Variants in ADK observed in about 807,000 individuals in gnomAD.
The protein encoded by ADK is adenosine kinase, also known as N6,N6-dimethyladenosine kinase.
In ADK, 24 loss-of-function variants were observed where a neutral mutation model predicts 44.7. That is an observed-to-expected ratio of 0.54 (90% CI 0.39 to 0.76). The LOEUF (loss-of-function observed/expected upper bound fraction) is 0.76. ADK is among the 30% of genes least tolerant of loss of function. The pLI, the probability that ADK is intolerant of heterozygous loss-of-function variation, is 0.00. For missense variants in ADK, 321 were observed against 425.1 expected (o/e 0.76, Z 2.15); for synonymous variants, 128 against 142.6 (o/e 0.90, Z 0.73).
At chr10:74,403,398 C>T (rs1843785605) in intron 6 of ADK, among the ~76,000 whole-genome samples, 1 of 152,226 alleles carries the variant, frequency 6.6e-6, no homozygotes, top group South Asian at 2.1e-4. Flanking sequence ...CTACCTAGTT[C>T]GAGCTTCCTG....
At chr10:74,611,210 T>C (rs1219648008) in intron 9 of ADK, among the ~76,000 whole-genome samples, 4 of 151,996 alleles carry the variant, frequency 2.6e-5, no homozygotes, top group Admixed American at 6.6e-5. Flanking sequence ...ATTTTTTCTT[T>C]GGTGGAGACT....
At chr10:74,665,783 C>T (rs796332832) in intron 9 of ADK, among the ~76,000 whole-genome samples, 2 of 107,744 alleles carry the variant, frequency 1.9e-5, no homozygotes, top group Non-Finnish European at 4.0e-5. Flanking sequence ...GAGAGAGAGA[C>T]AGACAGACAG....
intron 7 of ADK, among the ~76,000 whole-genome samples, chr10:74,563,820 A>T (rs572790883): frequency 6.6e-6 from 1 of 152,130 alleles, no homozygotes; most frequent in Admixed American, 6.5e-5. Context: ...CTAGAAAACA[A>T]CCTGTTTTAC....
chr10:74,352,923 G>A (rs1280431859), intron 4 of ADK, among the ~76,000 whole-genome samples: 1 of 152,224 alleles, frequency 6.6e-6, no homozygotes, highest in Non-Finnish European at 1.5e-5. Context: ...AACAGTTGCT[G>A]TTGAGGTTGT....
rs1848165591 is a variant in ADK, at chr10:74,508,347, C to T, written c.556-16909C>T. On this transcript the variant is annotated intron_variant, in intron 6 of 10. Transcript: ENST00000539909. The stretch of plus-strand genomic sequence containing the variant: ...AGCATACTTTTGTTCAGCACTGTAA[C>T]TAACAGTTGTAACATAAAACTCACT... The T allele has an allele frequency of 2.0e-5, 3 of 152,110 alleles. 1 individual carries two copies. The South Asian group carries it at 6.2e-4, about 32-fold the overall frequency. The allele number at this position is 152,110 out of a possible 1,614,324, so 9.4% of individuals were successfully genotyped here.
chr10:74,414,203 C>T (rs935647330), intron 6 of ADK, among the ~76,000 whole-genome samples: 1 of 151,648 alleles, frequency 6.6e-6, no homozygotes, highest in East Asian at 1.9e-4. Flanking sequence ...CATAAACCTT[C>T]GATTTGTAAA....
intron 3 of ADK, among the ~76,000 whole-genome samples, chr10:74,281,338 C>T (rs1364652036): frequency 1.3e-5 from 2 of 152,332 alleles, no homozygotes; most frequent in Non-Finnish European, 2.9e-5. Context: ...ATGCCCTCTC[C>T]CATTGATTTG....
chr10:74,162,344 T>C (rs1841925460), intron 1 of ADK, among the ~76,000 whole-genome samples: 1 of 152,072 alleles, frequency 6.6e-6, no homozygotes, highest in South Asian at 2.1e-4. Flanking sequence ...TGGTGCAAAA[T>C]GGATTCATGT....
chr10:74,359,529 G>A (rs546402452), intron 4 of ADK, among the ~76,000 whole-genome samples: 11 of 152,128 alleles, frequency 7.2e-5, no homozygotes, highest in African/African-American at 1.4e-4. Context: ...GCAACATGGC[G>A]TGACCGTCCC....
At chr10:74,467,291 T>C (rs1846393314) in intron 6 of ADK, among the ~76,000 whole-genome samples, 1 of 152,174 alleles carries the variant, frequency 6.6e-6, no homozygotes, top group Admixed American at 6.5e-5. Flanking sequence ...AGCCTATATC[T>C]AAGAAACTGT....
chr10:74,208,048 C>T (rs770559492), intron 2 of ADK, among the ~76,000 whole-genome samples: 1 of 152,226 alleles, frequency 6.6e-6, no homozygotes, highest in Non-Finnish European at 1.5e-5. Context: ...CGAGCACATG[C>T]ACACCTGCTG....
chr10:74,451,052 T>C (rs552804185), intron 6 of ADK, among the ~76,000 whole-genome samples: 1 of 149,988 alleles, frequency 6.7e-6, no homozygotes, highest in Admixed American at 6.7e-5. Context: ...TTTATAAAAA[T>C]TGTGGCTCTG....
At chr10:74,512,516 G>A (rs181850461) in intron 6 of ADK, among the ~76,000 whole-genome samples, 4 of 150,424 alleles carry the variant, frequency 2.7e-5, no homozygotes, top group East Asian at 2.0e-4. Flanking sequence ...TAGGTTTTAC[G>A]TATCCAGGAA....
intron 7 of ADK, among the ~76,000 whole-genome samples, chr10:74,552,648 G>A (rs1850075826): frequency 6.8e-6 from 1 of 147,908 alleles, no homozygotes; most frequent in African/African-American, 2.5e-5. Flanking sequence ...ATAATGAATT[G>A]TCCAGCCACA....
chr10:74,262,318 A>AC (rs1430634677), intron 3 of ADK, among the ~76,000 whole-genome samples: 2 of 150,122 alleles, frequency 1.3e-5, no homozygotes, highest in African/African-American at 5.0e-5. Flanking sequence ...CATCTCAAAA[A>AC]AAAAAAAAAA....
At chr10:74,173,435 T>C (rs777798105) in intron 1 of ADK, among the ~76,000 whole-genome samples, 29 of 150,280 alleles carry the variant, frequency 1.9e-4, no homozygotes, top group Non-Finnish European at 3.8e-4. Flanking sequence ...TTCTTTCTTT[T>C]TTTTTTTCTT....
intron 4 of ADK, among the ~76,000 whole-genome samples, chr10:74,356,653 C>G (rs1002853194): frequency 1.6e-4 from 24 of 152,158 alleles, no homozygotes; most frequent in African/African-American, 5.6e-4. Context: ...TTTCAACATC[C>G]AATGTCTCAA....
chr10:74,691,397 C>A lies in ADK; in HGVS notation c.965-16924C>A, dbSNP rs893943579. 2.0e-5 allele frequency among the ~76,000 whole-genome samples: 3 copies of A among 152,124 alleles called. No homozygotes were observed. The East Asian group carries it at 5.8e-4, about 29-fold the overall frequency. ...ACATGATAACTTATGTTACTACTCC[C>A]ATATTATCTCTAAATAACTATGTAA... On this transcript the variant is annotated intron_variant, in intron 10 of 10. Coordinates refer to ENST00000539909, the MANE Select transcript of ADK (RefSeq NM_006721.4).
intron 3 of ADK, among the ~76,000 whole-genome samples, chr10:74,275,712 G>T (rs1846646101): frequency 6.6e-6 from 1 of 152,056 alleles, no homozygotes; most frequent in Admixed American, 6.6e-5. Flanking sequence ...AGGCTGGAGT[G>T]CAGTGGCACA....
Sources: gnomAD v4.1 joint callset for allele counts (sites outside exome capture counted in the v4.1 genomes callset) on GRCh38, gnomAD v4.1.1 for gene constraint, MANE v1.5 for transcripts, NCBI Gene and HGNC (gene_info 2026-07-23, HGNC 2026-07-21) for gene names.